RAD51B: variants seen among roughly 807,000 people sequenced by gnomAD.
The protein encoded by RAD51B is RAD51 paralog B, also known as DNA repair protein RAD51 homolog 2.
A neutral mutation model predicts 42.2 loss-of-function variants in RAD51B; 38 were observed. The observed-to-expected ratio is 0.90, with a 90% CI of 0.70 to 1.18. The LOEUF (loss-of-function observed/expected upper bound fraction) is 1.18, where lower values mean the gene tolerates loss of function less well. Ranked by LOEUF, RAD51B falls within the 50% of genes most tolerant of loss-of-function variation. RAD51B has a pLI of 0.00. For missense variants in RAD51B, 373 were observed against 400.7 expected (o/e 0.93, Z 0.59); for synonymous variants, 154 against 145.2 (o/e 1.06, Z -0.43).
chr14:68,039,850 T>C (rs1302473183), intron 7 of RAD51B, among the ~76,000 whole-genome samples: 2 of 152,242 alleles, frequency 1.3e-5, no homozygotes, highest in African/African-American at 4.8e-5. Flanking sequence ...AAGTGTTTAG[T>C]TATCCACATC....
At chr14:68,516,171 A>G (rs1008634475) in intron 10 of RAD51B, among the ~76,000 whole-genome samples, 1 of 152,228 alleles carries the variant, frequency 6.6e-6, no homozygotes, top group Non-Finnish European at 1.5e-5. Context: ...TTTGCTATAC[A>G]GCAATAGATA....
At chr14:68,127,650 CACACA>C (rs2077794925) in intron 7 of RAD51B, among the ~76,000 whole-genome samples, 1 of 125,882 alleles carries the variant, frequency 7.9e-6, no homozygotes, top group African/African-American at 4.9e-5. Flanking sequence ...CACACACACA[CACACA>C]TACACACAGT....
chr14:68,252,358 A>T (rs951570588), intron 7 of RAD51B, among the ~76,000 whole-genome samples: 3 of 152,216 alleles, frequency 2.0e-5, no homozygotes, highest in African/African-American at 7.2e-5. Context: ...ATCTAAAATT[A>T]TGTAAATCTA....
intron 9 of RAD51B, among the ~76,000 whole-genome samples, chr14:68,452,741 C>T (rs1391080400): frequency 7.9e-5 from 12 of 151,850 alleles, no homozygotes; most frequent in Admixed American, 6.5e-4. Flanking sequence ...TATGACGTAC[C>T]GCATTTTTCA....
chr14:68,436,048 GT>G (rs1362311401), intron 9 of RAD51B, among the ~76,000 whole-genome samples: 1 of 151,990 alleles, frequency 6.6e-6, no homozygotes, highest in Non-Finnish European at 1.5e-5. Context: ...GTCAATTTTT[GT>G]TTTTGTTCCA....
At chr14:67,870,582 A>G (rs1195292717) in intron 5 of RAD51B, among the ~76,000 whole-genome samples, 1 of 108,772 alleles carries the variant, frequency 9.2e-6, no homozygotes, top group Admixed American at 9.6e-5. Flanking sequence ...TGCACCAAGC[A>G]GACCTAATAG....
At chr14:68,583,862 T>A (rs187272811) in intron 10 of RAD51B, among the ~76,000 whole-genome samples, 1 of 152,276 alleles carries the variant, frequency 6.6e-6, no homozygotes, top group Non-Finnish European at 1.5e-5. Flanking sequence ...AGGGCATATG[T>A]GGGTCCTTGG....
intron 5 of RAD51B, among the ~76,000 whole-genome samples, chr14:67,875,980 A>G (rs2140024784): frequency 6.6e-6 from 1 of 152,326 alleles, no homozygotes; most frequent in Middle Eastern, 3.4e-3. Flanking sequence ...AGATAGTTTC[A>G]TGACACTGGG....
intron 7 of RAD51B, among the ~76,000 whole-genome samples, chr14:68,004,880 A>G (rs1419732249): frequency 6.6e-6 from 1 of 151,644 alleles, no homozygotes; most frequent in Non-Finnish European, 1.5e-5. Flanking sequence ...TTTTTGGTAT[A>G]TGGCCTTTTT....
At chr14:68,213,111 A>C (rs2079745378) in intron 7 of RAD51B, among the ~76,000 whole-genome samples, 3 of 152,222 alleles carry the variant, frequency 2.0e-5, no homozygotes, top group Non-Finnish European at 2.9e-5. Flanking sequence ...TGACGAAAGC[A>C]CAAATAATGT....
chr14:68,023,472 G>A (rs1325962375), intron 7 of RAD51B, among the ~76,000 whole-genome samples: 5 of 152,060 alleles, frequency 3.3e-5, no homozygotes, highest in East Asian at 1.9e-4. Context: ...GATTACAGGC[G>A]TGCGCCATGA....
chr14:68,528,951 A>C (rs1202914849), intron 10 of RAD51B, among the ~76,000 whole-genome samples: 1 of 152,184 alleles, frequency 6.6e-6, no homozygotes, highest in Non-Finnish European at 1.5e-5. Context: ...CTGCAGAAGA[A>C]ACCCTGGTCC....
At chr14:68,545,671 G>A (rs1271131781) in intron 10 of RAD51B, 5 of 454,270 alleles carry the variant, frequency 1.1e-5, no homozygotes, top group East Asian at 7.0e-5. Context: ...TCCATCATTC[G>A]CTTGTCCACA....
At chr14:68,449,718 TTC>T (rs1278820618) in intron 9 of RAD51B, among the ~76,000 whole-genome samples, 1 of 152,212 alleles carries the variant, frequency 6.6e-6, no homozygotes, top group Non-Finnish European at 1.5e-5. Context: ...TTTGTTTCCA[TTC>T]TCTTTTTTCT....
intron 10 of RAD51B, among the ~76,000 whole-genome samples, chr14:68,623,109 G>C (rs554333274): frequency 4.6e-5 from 7 of 152,244 alleles, no homozygotes; most frequent in African/African-American, 1.4e-4. Flanking sequence ...GAGGGTGAAG[G>C]GTTCTTGGAA....
At chr14:68,441,135 GTTCT>G (rs1171680108) in intron 9 of RAD51B, among the ~76,000 whole-genome samples, 3 of 152,340 alleles carry the variant, frequency 2.0e-5, no homozygotes, top group South Asian at 2.1e-4. Context: ...GACATTGTTA[GTTCT>G]TTCTTCTGAC....
intron 7 of RAD51B, among the ~76,000 whole-genome samples, chr14:67,961,391 G>A (rs2140230447): frequency 6.6e-6 from 1 of 152,256 alleles, no homozygotes; most frequent in South Asian, 2.1e-4. Context: ...GAACAAAATT[G>A]GTCACTAAGA....
At chr14:68,107,727 C>T (rs957967395) in intron 7 of RAD51B, among the ~76,000 whole-genome samples, 1 of 151,752 alleles carries the variant, frequency 6.6e-6, no homozygotes, top group African/African-American at 2.4e-5. Context: ...AGAGTAGTCT[C>T]TTCAACACAT....
intron 9 of RAD51B, among the ~76,000 whole-genome samples, chr14:68,448,011 A>G (rs995417591): frequency 2.6e-5 from 4 of 152,260 alleles, no homozygotes; most frequent in Admixed American, 2.0e-4. Context: ...CATAATTTTC[A>G]AAATCTAGCT....
Sources: allele counts gnomAD v4.1 joint callset (sites outside exome capture counted in the v4.1 genomes callset), GRCh38; gene constraint gnomAD v4.1.1; transcripts MANE v1.5; gene names NCBI Gene and HGNC (gene_info 2026-07-23, HGNC 2026-07-21).